The following MAGI1 variants were observed in gnomAD, a reference collection of about 807,000 sequenced individuals.
MAGI1 encodes membrane-associated guanylate kinase, WW and PDZ domain-containing protein 1.
MAGI1 carries 58 observed loss-of-function variants against 139.9 expected under a neutral mutation model. The observed-to-expected ratio is 0.41, with a 90% CI of 0.34 to 0.52. MAGI1 has a LOEUF of 0.52. MAGI1 is among the 20% of genes least tolerant of loss of function. The pLI is 0.12. For missense variants in MAGI1, 1,874 were observed against 1,901.6 expected (o/e 0.99, Z 0.27); for synonymous variants, 812 against 737.9 (o/e 1.10, Z -1.63).
intron 1 of MAGI1, among the ~76,000 whole-genome samples, chr3:65,914,473 T>G (rs1409468957): frequency 1.3e-5 from 2 of 152,104 alleles, no homozygotes; most frequent in Non-Finnish European, 2.9e-5. Flanking sequence ...AAGTAGAGAA[T>G]TATGGAGACT....
intron 1 of MAGI1, among the ~76,000 whole-genome samples, chr3:65,720,482 A>G (rs2032874293): frequency 6.6e-6 from 1 of 151,960 alleles, no homozygotes; most frequent in African/African-American, 2.4e-5. Context: ...ATTCTGATGA[A>G]CCTCTGGGCC....
At chr3:65,784,704 C>T (rs2039239476) in intron 1 of MAGI1, among the ~76,000 whole-genome samples, 1 of 68,188 alleles carries the variant, frequency 1.5e-5, no homozygotes, top group East Asian at 5.2e-4. Context: ...GACTCCGTCT[C>T]AACAACAACA....
chr3:65,802,848 C>CTGTG (rs55814110), intron 1 of MAGI1, among the ~76,000 whole-genome samples: 11,566 of 138,042 alleles, frequency 0.084, 534 homozygotes, highest in East Asian at 0.16. Context: ...ATCATCTCAT[C>CTGTG]TGTGTGTGTG....
intron 2 of MAGI1, among the ~76,000 whole-genome samples, chr3:65,549,104 G>A (rs2079677572): frequency 6.6e-6 from 1 of 152,104 alleles, no homozygotes; most frequent in South Asian, 2.1e-4. Flanking sequence ...CTGCGCTCCG[G>A]GGCGCGGGCC....
intron 12 of MAGI1, among the ~76,000 whole-genome samples, chr3:65,423,126 G>A (rs1244676073): frequency 6.6e-6 from 1 of 152,074 alleles, no homozygotes; most frequent in Admixed American, 6.6e-5. Flanking sequence ...GAACATATAG[G>A]ACCCCAACAT....
intron 2 of MAGI1, among the ~76,000 whole-genome samples, chr3:65,531,198 A>C (rs1157729614): frequency 5.3e-5 from 8 of 152,030 alleles, no homozygotes; most frequent in African/African-American, 1.9e-4. Context: ...AAATGCTCCA[A>C]TCCAGACCTA....
At chr3:65,855,758 T>C (rs866522119) in intron 1 of MAGI1, among the ~76,000 whole-genome samples, 4 of 151,490 alleles carry the variant, frequency 2.6e-5, no homozygotes, top group African/African-American at 4.9e-5. Flanking sequence ...CAACACCGGA[T>C]AGCCCATTAA....
At chr3:65,546,059 C>T (rs990867181) in intron 2 of MAGI1, among the ~76,000 whole-genome samples, 1 of 152,004 alleles carries the variant, frequency 6.6e-6, no homozygotes, top group African/African-American at 2.4e-5. Flanking sequence ...CAACCCTAGC[C>T]TTCCAGTCCC....
chr3:65,734,124 G>C (rs1285123608), intron 1 of MAGI1, among the ~76,000 whole-genome samples: 1 of 152,192 alleles, frequency 6.6e-6, no homozygotes, highest in Admixed American at 6.5e-5. Flanking sequence ...AGATATAGCA[G>C]ATGAGGATGC....
intron 1 of MAGI1, among the ~76,000 whole-genome samples, chr3:65,953,361 C>A (rs2063957631): frequency 6.6e-6 from 1 of 152,192 alleles, no homozygotes; most frequent in Admixed American, 6.5e-5. Context: ...CTGGGCCTGG[C>A]ATTTTTTCCA....
chr3:65,762,246 T>G (rs2037093535), intron 1 of MAGI1, among the ~76,000 whole-genome samples: 1 of 152,086 alleles, frequency 6.6e-6, no homozygotes. Context: ...CCTCCTGAAG[T>G]GGGTCCCACT....
At chr3:65,523,704 A>C (rs932313574) in intron 2 of MAGI1, among the ~76,000 whole-genome samples, 1 of 152,162 alleles carries the variant, frequency 6.6e-6, no homozygotes, top group Admixed American at 6.5e-5. Flanking sequence ...GTAAGTTAGA[A>C]CTCAACTGCA....
At chr3:65,525,532 T>G (rs1452668138) in intron 2 of MAGI1, among the ~76,000 whole-genome samples, 1 of 152,212 alleles carries the variant, frequency 6.6e-6, no homozygotes, top group African/African-American at 2.4e-5. Context: ...AATGTTGAGT[T>G]TTTAAGTCCA....
chr3:65,511,719 C>A (rs2077605805), intron 2 of MAGI1, among the ~76,000 whole-genome samples: 1 of 149,860 alleles, frequency 6.7e-6, no homozygotes, highest in Non-Finnish European at 1.5e-5. Context: ...GACTTTAACA[C>A]CCCACTGTCA....
chr3:65,780,925 A>T (rs895328236), intron 1 of MAGI1, among the ~76,000 whole-genome samples: 1 of 152,226 alleles, frequency 6.6e-6, no homozygotes, highest in African/African-American at 2.4e-5. Context: ...TGTATTTTTT[A>T]AAAGTTTGGA....
At chr3:65,475,348 G>A (rs1950832758) in intron 4 of MAGI1, among the ~76,000 whole-genome samples, 1 of 152,080 alleles carries the variant, frequency 6.6e-6, no homozygotes, top group Admixed American at 6.6e-5. Context: ...TGAGTAGCTT[G>A]TATTACAGGC....
intron 2 of MAGI1, among the ~76,000 whole-genome samples, chr3:65,604,356 A>T (rs911062771): frequency 6.6e-6 from 1 of 152,262 alleles, no homozygotes; most frequent in African/African-American, 2.4e-5. Context: ...ATTGATATTA[A>T]TATATAATGA....
chr3:65,708,675 G>T (rs2030821364), intron 1 of MAGI1, among the ~76,000 whole-genome samples: 1 of 151,058 alleles, frequency 6.6e-6, no homozygotes. Flanking sequence ...ATGATGGCAA[G>T]AGAGTAAAAA....
chr3:65,904,627 A>G (rs1009789642), intron 1 of MAGI1, among the ~76,000 whole-genome samples: 1 of 151,978 alleles, frequency 6.6e-6, no homozygotes, highest in African/African-American at 2.4e-5. Context: ...TTCTCCATCA[A>G]TCCTATCTCT....
Sources: gnomAD v4.1 joint callset for allele counts (sites outside exome capture counted in the v4.1 genomes callset) on GRCh38, gnomAD v4.1.1 for gene constraint, MANE v1.5 for transcripts, NCBI Gene and HGNC (gene_info 2026-07-23, HGNC 2026-07-21) for gene names.